CCDC141: variants seen among roughly 807,000 people sequenced by gnomAD.
The protein encoded by CCDC141 is coiled-coil domain-containing protein 141.
A neutral mutation model predicts 181.0 loss-of-function variants in CCDC141; 168 were observed. That is an observed-to-expected ratio of 0.93 (90% CI 0.82 to 1.05). The LOEUF (loss-of-function observed/expected upper bound fraction) is 1.05. Ranked by LOEUF, CCDC141 falls within the 50% of genes least tolerant of loss-of-function variation. The pLI is 0.00. For missense variants in CCDC141, 1,902 were observed against 1,788.5 expected, an observed-to-expected ratio of 1.06 and a Z score of -1.14; for synonymous variants, 666 against 642.3, an observed-to-expected ratio of 1.04 and a Z score of -0.56.
In CCDC141 at chr2:178,984,114, C is replaced by T. The variant is rs1691586407; in HGVS notation, c.226-5439G>A. 2.0e-5 allele frequency among the ~76,000 whole-genome samples: 3 copies of T among 152,186 alleles called. No individual in the cohort carries two copies. In the East Asian group the frequency reaches 5.8e-4, roughly 29 times the overall value. On this transcript the variant is annotated intron_variant, in intron 2 of 23. Coordinates refer to ENST00000443758, the MANE Select transcript of CCDC141 (RefSeq NM_173648.4). ...GAAGCCCATCAGACTAACAGTGGAT[C>T]TCTCGGCAGAAACCCTACGAGCCAG...
intron 4 of CCDC141, among the ~76,000 whole-genome samples, chr2:178,969,409 C>T (rs1190400022): frequency 1.3e-5 from 2 of 152,156 alleles, no homozygotes; most frequent in African/African-American, 4.8e-5. Context: ...AGCAGCACAT[C>T]AAAAAGCTTA....
chr2:179,024,654 C>T (rs1158254022), intron 2 of CCDC141, among the ~76,000 whole-genome samples: 1 of 152,196 alleles, frequency 6.6e-6, no homozygotes, highest in Non-Finnish European at 1.5e-5. Flanking sequence ...ATAATTTCCT[C>T]ATTGTCAGAG....
chr2:178,978,788 T>G (rs1374757054), intron 2 of CCDC141, 113 bp from the exon 3 acceptor site: 1 of 778,128 alleles, frequency 1.3e-6, no homozygotes, highest in Admixed American at 3.6e-5. Flanking sequence ...GAAACAGAAT[T>G]TATAAACACA....
intron 9 of CCDC141, 116 bp downstream of exon 9, chr2:178,888,411 A>G: frequency 2.3e-6 from 2 of 860,250 alleles, no homozygotes; most frequent in East Asian, 2.6e-5. Context: ...CCAATGTGGT[A>G]CATAAGGGCA....
intron 2 of CCDC141, among the ~76,000 whole-genome samples, chr2:178,982,737 C>T (rs535797441): frequency 2.2e-4 from 34 of 152,170 alleles, no homozygotes; most frequent in African/African-American, 5.5e-4. Flanking sequence ...CACTCCCACC[C>T]GAATACTGAG....
At chr2:179,045,845 T>C (rs574497945) in intron 2 of CCDC141, among the ~76,000 whole-genome samples, 2 of 152,186 alleles carry the variant, frequency 1.3e-5, no homozygotes, top group African/African-American at 4.8e-5. Flanking sequence ...TTTTCCTACA[T>C]AGAAAAGACT....
chr2:179,023,677 T>C (rs2042750396), intron 2 of CCDC141, among the ~76,000 whole-genome samples: 1 of 152,198 alleles, frequency 6.6e-6, no homozygotes, highest in African/African-American at 2.4e-5. Context: ...CAACACAATC[T>C]CTGTCCTGAG....
chr2:178,963,139 AAG>A (rs558129757), intron 4 of CCDC141, among the ~76,000 whole-genome samples: 7 of 152,198 alleles, frequency 4.6e-5, no homozygotes, highest in Non-Finnish European at 8.8e-5. Context: ...AATGTTTTGA[AAG>A]AGGGGTTGGA....
chr2:178,856,531 T>TCCCA (rs1267707736), intron 17 of CCDC141, 134 bp from the exon 18 acceptor site: 17 of 492,452 alleles, frequency 3.5e-5, no homozygotes, highest in Non-Finnish European at 5.0e-5. Context: ...TTTCCCTCCC[T>TCCCA]CCCTCCCTCT....
Position 178,949,683 on chromosome 2 carries a change from A to T in CCDC141, c.781-5032T>A, listed in dbSNP as rs760772218. On this transcript the variant is annotated intron_variant, in intron 5 of 23. Coordinates refer to ENST00000443758, the MANE Select transcript of CCDC141 (RefSeq NM_173648.4). ...GCTCCGTGAAAATAGTTCATTAGAG[A>T]GGAGAATGGATGTGTGGGTCAGGCC... is the stretch of plus-strand genomic sequence containing the variant. Among the ~76,000 whole-genome samples, 42 of 152,288 alleles carry T rather than the reference A, an allele frequency of 2.8e-4. 1 individual carries two copies. Among genetic ancestry groups the T allele is most frequent in the Middle Eastern group, 3.4e-3 (1 of 292 alleles).
At chr2:178,957,023 T>G (rs1690190534) in intron 5 of CCDC141, among the ~76,000 whole-genome samples, 1 of 152,036 alleles carries the variant, frequency 6.6e-6, no homozygotes, top group Non-Finnish European at 1.5e-5. Flanking sequence ...ATTACAGGCA[T>G]GCACCACCAT....
At chr2:178,912,163 T>C (rs1476397381) in intron 7 of CCDC141, among the ~76,000 whole-genome samples, 1 of 152,196 alleles carries the variant, frequency 6.6e-6, no homozygotes, top group Non-Finnish European at 1.5e-5. Flanking sequence ...ACATGTTTCT[T>C]ACCCTCAAGA....
intron 2 of CCDC141, among the ~76,000 whole-genome samples, chr2:178,992,828 G>T (rs1692118201): frequency 6.6e-6 from 1 of 152,156 alleles, no homozygotes; most frequent in African/African-American, 2.4e-5. Flanking sequence ...CCCCCAAGCT[G>T]CTGTTCCTGT....
chr2:178,864,212 G>A (rs113336525), intron 17 of CCDC141, among the ~76,000 whole-genome samples: 280 of 152,170 alleles, frequency 1.8e-3, no homozygotes, highest in African/African-American at 6.5e-3. Context: ...GGAGGAGGAA[G>A]AGAAGGAGGG....
At chr2:178,867,616 A>G (rs1006133905) in intron 16 of CCDC141, among the ~76,000 whole-genome samples, 2 of 152,170 alleles carry the variant, frequency 1.3e-5, no homozygotes, top group Non-Finnish European at 2.9e-5. Flanking sequence ...ATTGCTCCCA[A>G]CATACTTAAA....
At chr2:178,939,821 A>C (rs1451900300) in intron 6 of CCDC141, among the ~76,000 whole-genome samples, 1 of 152,106 alleles carries the variant, frequency 6.6e-6, no homozygotes, top group African/African-American at 2.4e-5. Flanking sequence ...AAAGAAGTCA[A>C]CTGCACTTAG....
At chr2:178,876,597 A>T (rs1485886401) in intron 12 of CCDC141, 1 of 152,194 alleles carries the variant, frequency 6.6e-6, no homozygotes, top group East Asian at 1.9e-4. Context: ...ATGAAGTACT[A>T]TTGGGAGCAT....
intron 6 of CCDC141, among the ~76,000 whole-genome samples, chr2:178,925,669 C>T (rs551028586): frequency 1.3e-5 from 2 of 152,226 alleles, no homozygotes; most frequent in African/African-American, 2.4e-5. Context: ...CTATTAATCA[C>T]GTTTTCTTCT....
intron 2 of CCDC141, among the ~76,000 whole-genome samples, chr2:178,997,418 A>T (rs1485900247): frequency 6.6e-6 from 1 of 152,120 alleles, no homozygotes; most frequent in African/African-American, 2.4e-5. Flanking sequence ...TCAGTTAGTC[A>T]GCCTGAAACA....
Sources: allele counts gnomAD v4.1 joint callset (sites outside exome capture counted in the v4.1 genomes callset), GRCh38; gene constraint gnomAD v4.1.1; transcripts MANE v1.5; gene names NCBI Gene and HGNC (gene_info 2026-07-23, HGNC 2026-07-21).